DCAF6: variants seen among roughly 807,000 people sequenced by gnomAD.
The protein encoded by DCAF6 is DDB1 and CUL4 associated factor 6.
Under a neutral mutation model 125.1 loss-of-function variants are expected in DCAF6, and 54 were observed. The observed-to-expected ratio is 0.43, with a 90% CI of 0.35 to 0.54. DCAF6 has a LOEUF of 0.54. Among genes scored for constraint, DCAF6 ranks in the 20% least tolerant of loss-of-function variants. DCAF6 has a pLI of 0.01. For synonymous variants in DCAF6, 371 were observed against 390.4 expected (o/e 0.95, Z 0.58); for missense variants, 934 against 1,161.7 (o/e 0.80, Z 2.85).
At chr1:167,873,150 G>C in the DCAF6 span, among the ~76,000 whole-genome samples, 1 of 152,140 alleles carries the variant, frequency 6.6e-6, no homozygotes, top group South Asian at 2.1e-4. Flanking sequence ...TAGAAAGAAG[G>C]TTAGGATTCT....
intron 4 of DCAF6, among the ~76,000 whole-genome samples, chr1:167,976,721 T>TTA (rs1396347191): frequency 6.6e-6 from 1 of 152,048 alleles, no homozygotes; most frequent in Non-Finnish European, 1.5e-5. Flanking sequence ...CAGGATTTAG[T>TTA]TATATTCTGT....
the DCAF6 span, chr1:167,901,964 A>T: frequency 6.2e-7 from 1 of 1,609,146 alleles, no homozygotes. Flanking sequence ...ACAGAAGCAC[A>T]GGCACCTCAG....
chr1:167,880,487 T>C, the DCAF6 span: 1 of 1,605,982 alleles, frequency 6.2e-7, no homozygotes. Flanking sequence ...GGGTCAATAC[T>C]CACTGGATTT....
chr1:168,004,687 A>G lies in DCAF6; in HGVS notation c.1272A>G (p.Thr424=), dbSNP rs1374732305. ...CAATGTCAGCTCAGGCTCATTCGAC[A>G]TCATCTCCCACAGAAAGCCCTCATT... ...SSTMSAQAHS[T]SSPTESPHST... is the part of the protein sequence containing the mutation. Residue 424 remains threonine, a synonymous_variant, in exon 10 of 22, where the codon ACA becomes ACG. Transcript: ENST00000367840. The G allele has an allele frequency of 3.1e-6, 5 of 1,613,926 alleles. No homozygotes were observed. In the African/African-American group the frequency reaches 4.0e-5, roughly 13 times the overall value.
intron 1 of DCAF6, among the ~76,000 whole-genome samples, chr1:167,950,899 T>C (rs912216475): frequency 7.9e-5 from 12 of 152,238 alleles, no homozygotes; most frequent in African/African-American, 2.7e-4. Context: ...ATGCTGATTT[T>C]TAATGCCATA....
intron 11 of DCAF6, among the ~76,000 whole-genome samples, chr1:168,022,430 T>C (rs1195025625): frequency 6.6e-6 from 1 of 152,204 alleles, no homozygotes; most frequent in African/African-American, 2.4e-5. Context: ...CACAATATAC[T>C]GTAGAGTTTT....
intron 5 of DCAF6, 55 bp from the exon 6 acceptor site, chr1:167,991,149 A>G: frequency 7.1e-7 from 1 of 1,401,206 alleles, no homozygotes; most frequent in East Asian, 2.6e-5. Context: ...TTTTAAATAT[A>G]ATTTCACCTC....
At chr1:167,883,768 G>A in the DCAF6 span, 2 of 769,094 alleles carry the variant, frequency 2.6e-6, no homozygotes, top group Non-Finnish European at 4.6e-6. Context: ...GAGCCAGCAT[G>A]CCTGAAGTGG....
chr1:167,994,911 C>G (rs1681428559), intron 7 of DCAF6, among the ~76,000 whole-genome samples: 1 of 151,980 alleles, frequency 6.6e-6, no homozygotes, highest in African/African-American at 2.4e-5. Flanking sequence ...CTACGAGATA[C>G]AAAACTATAT....
intron 1 of DCAF6, among the ~76,000 whole-genome samples, chr1:167,938,788 A>G (rs1170674871): frequency 6.6e-6 from 1 of 152,186 alleles, no homozygotes; most frequent in Non-Finnish European, 1.5e-5. Context: ...CTTCAGCTAT[A>G]TCTACAAACG....
rs147330942 is a variant in DCAF6 at position 168,071,296 on chromosome 1, T to C, written c.2791+2833T>C. 5.0e-3 allele frequency among the ~76,000 whole-genome samples: 760 copies of C among 152,268 alleles called. 5 individuals are homozygous for C. Among genetic ancestry groups the C allele is most frequent in the African/African-American group, 0.017 (718 of 41,566 alleles). On this transcript the variant is annotated intron_variant, in intron 21 of 21. Transcript: ENST00000367840. ...TGTAAATGAACAGGTATGGCACTTA[T>C]AATAAAACTTAATATATAAAAACAG...
At chr1:167,878,657 C>A in the DCAF6 span, 1 of 1,609,758 alleles carries the variant, frequency 6.2e-7, no homozygotes, top group South Asian at 1.1e-5. Flanking sequence ...AAGAGAAAGT[C>A]AAAGATCAGG....
chr1:167,900,762 C>T, the DCAF6 span, among the ~76,000 whole-genome samples: 1 of 152,186 alleles, frequency 6.6e-6, no homozygotes, highest in Non-Finnish European at 1.5e-5. Flanking sequence ...AAACTCCTGA[C>T]CTCAGGTGAT....
At chr1:168,009,676 A>G (rs1684013552) in intron 10 of DCAF6, among the ~76,000 whole-genome samples, 1 of 151,348 alleles carries the variant, frequency 6.6e-6, no homozygotes, top group South Asian at 2.1e-4. Context: ...CTGGCTTATC[A>G]CTTGGCCAAC....
At chr1:167,905,076 T>A in the DCAF6 span, 1 of 1,614,152 alleles carries the variant, frequency 6.2e-7, no homozygotes, top group Non-Finnish European at 8.5e-7. Context: ...GACAATGAGG[T>A]CTGGTAAATG....
chr1:167,895,166 G>A, the DCAF6 span, among the ~76,000 whole-genome samples: 4 of 147,860 alleles, frequency 2.7e-5, no homozygotes, highest in East Asian at 2.0e-4. Context: ...TGGTGGCAGA[G>A]TGAGACTCCA....
chr1:168,045,990 T>C (rs1190432087), intron 16 of DCAF6, among the ~76,000 whole-genome samples: 2 of 152,098 alleles, frequency 1.3e-5, no homozygotes, highest in East Asian at 3.8e-4. Flanking sequence ...GAGATTCTAT[T>C]TGAAATATTT....
chr1:168,040,091 T>G (rs1688333182), intron 13 of DCAF6, among the ~76,000 whole-genome samples: 1 of 152,014 alleles, frequency 6.6e-6, no homozygotes, highest in Non-Finnish European at 1.5e-5. Context: ...TAAAAGTGAT[T>G]GGGAAACCTA....
At position 167,987,530 on chromosome 1, in the gene DCAF6, C is replaced by T. The variant is rs749224117; in HGVS notation, c.474C>T (p.Leu158=). ...TACCCAATGACCCTTACACTTTTCT[C>T]TCTTGTGGTGAAGATGGAACTGTTA... ...MTVPNDPYTF[L]SCGEDGTVRW... The change falls in exon 5 of 22, where the codon CTC becomes CTT. Residue 158 remains leucine (L), a synonymous_variant. Transcript: ENST00000367840. The T allele has an allele frequency of 3.7e-6, 6 of 1,605,306 alleles. No homozygotes were observed. The highest frequency in any genetic ancestry group is 4.3e-6 in the Non-Finnish European group (5 of 1,174,008).
Sources: gnomAD v4.1 joint callset for allele counts (sites outside exome capture counted in the v4.1 genomes callset) on GRCh38, gnomAD v4.1.1 for gene constraint, MANE v1.5 for transcripts, NCBI Gene and HGNC (gene_info 2026-07-23, HGNC 2026-07-21) for gene names.